Variants in ASB3 observed in about 807,000 individuals in gnomAD.
ASB3 encodes the protein ankyrin repeat and SOCS box protein 3.
ASB3 carries 41 observed loss-of-function variants against 54.5 expected under a neutral mutation model. The observed-to-expected ratio is 0.75, with a 90% CI of 0.59 to 0.98. The LOEUF (loss-of-function observed/expected upper bound fraction) is 0.98, where lower values mean the gene tolerates loss of function less well. Ranked by LOEUF, ASB3 falls within the 50% of genes least tolerant of loss-of-function variation. The probability of loss-of-function intolerance (pLI) is 0.00; values close to 1 mark genes in which losing one functional copy is unlikely to be tolerated. For missense variants in ASB3, 733 were observed against 620.0 expected, an observed-to-expected ratio of 1.18 and a Z score of -1.94; for synonymous variants, 266 against 221.2, an observed-to-expected ratio of 1.20 and a Z score of -1.80.
At position 53,700,633 on chromosome 2, in the gene ASB3, A is replaced by G. The variant is rs1572866934; in HGVS notation, c.981-105T>C. The G allele has an allele frequency of 3.5e-6, 5 of 1,421,342 alleles. No homozygotes were observed. In the East Asian group the frequency reaches 1.2e-4, roughly 35 times the overall value. The allele number at this position is 1,421,342 out of a possible 1,614,324, so 88.0% of individuals were successfully genotyped here. A position where few individuals can be genotyped will look rare whatever the true frequency, so the allele number is the denominator to read the frequency against. On this transcript the variant is annotated intron_variant, in intron 7 of 9. Transcript: ENST00000263634. ...GTTACAGCTGGGGAATAAGTATGGCAGATTAAATAGTGGATGGTTTCTACA... is the reference window on the plus strand; with the variant it reads ...GTTACAGCTGGGGAATAAGTATGGCGGATTAAATAGTGGATGGTTTCTACA...
chr2:53,706,339 T>C (rs1669769429), intron 7 of ASB3, among the ~76,000 whole-genome samples: 1 of 152,250 alleles, frequency 6.6e-6, no homozygotes, highest in African/African-American at 2.4e-5. Context: ...TAATAGGAGT[T>C]AGATCAAGGG....
intron 1 of ASB3, among the ~76,000 whole-genome samples, chr2:53,785,238 C>T (rs1293263331): frequency 2.6e-5 from 4 of 152,192 alleles, no homozygotes; most frequent in Admixed American, 6.5e-5. Flanking sequence ...CTTTGCAGCA[C>T]TTACCAATAC....
intron 5 of ASB3, among the ~76,000 whole-genome samples, chr2:53,723,305 T>C (rs1214585535): frequency 6.6e-6 from 1 of 152,190 alleles, no homozygotes; most frequent in African/African-American, 2.4e-5. Context: ...CCTTTTTTTA[T>C]TTTTTCCCCT....
chr2:53,769,919 T>C (rs1673777512), intron 1 of ASB3, among the ~76,000 whole-genome samples: 1 of 152,182 alleles, frequency 6.6e-6, no homozygotes, highest in Non-Finnish European at 1.5e-5. Flanking sequence ...ATACCATACA[T>C]CTTAGCCCAT....
chr2:53,694,235 A>T (rs75214812), intron 8 of ASB3: 17,549 of 431,414 alleles, frequency 0.041, 459 homozygotes, highest in Non-Finnish European at 0.053. Flanking sequence ...GTAGCTGTCT[A>T]AGAGATGACA....
rs535523497 is a variant in ASB3 at position 53,757,523 on chromosome 2, A to G, written c.197-6582T>C. 2.2e-4 allele frequency among the ~76,000 whole-genome samples: 34 copies of G among 152,334 alleles called. No individual in the cohort carries two copies. In the South Asian group the frequency reaches 6.8e-3, roughly 31 times the overall value. On this transcript the variant is annotated intron_variant, in intron 2 of 9. Coordinates refer to ENST00000263634, the MANE Select transcript of ASB3 (RefSeq NM_016115.5). The stretch of plus-strand genomic sequence containing the variant: ...GGGTCCCGACCATGACTTTCTTGAA[A>G]GTGTAGCCCAAAATTCTCCTTACTT...
chr2:53,704,034 A>T (rs545791497), intron 7 of ASB3, among the ~76,000 whole-genome samples: 1 of 152,316 alleles, frequency 6.6e-6, no homozygotes, highest in South Asian at 2.1e-4. Context: ...ATAACTGGTA[A>T]AAGTGATATA....
At chr2:53,680,485 A>T (rs1668311646) in intron 9 of ASB3, among the ~76,000 whole-genome samples, 1 of 152,130 alleles carries the variant, frequency 6.6e-6, no homozygotes, top group Non-Finnish European at 1.5e-5. Context: ...GGATTTCTCT[A>T]ATGATCAGTG....
intron 9 of ASB3, among the ~76,000 whole-genome samples, chr2:53,681,899 C>A (rs977269217): frequency 1.3e-5 from 2 of 152,064 alleles, no homozygotes; most frequent in South Asian, 4.2e-4. Context: ...GTGGCTCATG[C>A]CTGTAATCCC....
chr2:53,749,376 C>G (rs1672398941), intron 3 of ASB3, among the ~76,000 whole-genome samples: 1 of 152,028 alleles, frequency 6.6e-6, no homozygotes, highest in African/African-American at 2.4e-5. Flanking sequence ...GAAATGCAAA[C>G]CAGTAGAAAA....
intron 3 of ASB3, among the ~76,000 whole-genome samples, chr2:53,746,160 G>C (rs920333059): frequency 1.3e-5 from 2 of 152,022 alleles, no homozygotes; most frequent in African/African-American, 2.4e-5. Flanking sequence ...GCTGGGTGTG[G>C]TGGCGGTGCT....
At chr2:53,683,307 G>A (rs528923507) in intron 9 of ASB3, among the ~76,000 whole-genome samples, 2 of 152,244 alleles carry the variant, frequency 1.3e-5, no homozygotes, top group African/African-American at 4.8e-5. Context: ...GCATCCCTGG[G>A]ATAGATTCCA....
chr2:53,720,820 C>A (rs77601694), intron 5 of ASB3, among the ~76,000 whole-genome samples: 2,524 of 152,212 alleles, frequency 0.017, 53 homozygotes, highest in Non-Finnish European at 0.022. Flanking sequence ...CCAAGACAGA[C>A]CACATGCTCG....
chr2:53,734,838 T>C (rs547909917), intron 3 of ASB3, among the ~76,000 whole-genome samples: 1 of 152,220 alleles, frequency 6.6e-6, no homozygotes, highest in South Asian at 2.1e-4. Context: ...TGTTCTATCC[T>C]ACTATTTCAG....
intron 2 of ASB3, among the ~76,000 whole-genome samples, chr2:53,751,320 A>G (rs1572966182): frequency 6.6e-6 from 1 of 152,304 alleles, no homozygotes; most frequent in East Asian, 1.9e-4. Flanking sequence ...TTTTATTTTT[A>G]AATTTCTATA....
At chr2:53,729,249 T>C (rs1671170059) in intron 4 of ASB3, among the ~76,000 whole-genome samples, 1 of 152,174 alleles carries the variant, frequency 6.6e-6, no homozygotes, top group African/African-American at 2.4e-5. Flanking sequence ...TTTTAAAATG[T>C]AGATAATCCC....
chr2:53,767,957 A>T, intron 1 of ASB3: 1 of 1,614,174 alleles, frequency 6.2e-7, no homozygotes, highest in African/African-American at 1.3e-5. Context: ...CTGGTCGGAT[A>T]CATCACCAAC....
At chr2:53,769,786 G>A (rs925958979) in intron 1 of ASB3, among the ~76,000 whole-genome samples, 2 of 152,174 alleles carry the variant, frequency 1.3e-5, no homozygotes, top group African/African-American at 2.4e-5. Context: ...ACGTTGCGGT[G>A]AGCTGAGATT....
chr2:53,709,421 G>A (rs1669967774), intron 7 of ASB3, among the ~76,000 whole-genome samples: 1 of 152,186 alleles, frequency 6.6e-6, no homozygotes, highest in Admixed American at 6.5e-5. Context: ...CCAGCATAAA[G>A]GGCCTTCTTT....
Sources: allele counts gnomAD v4.1 joint callset (sites outside exome capture counted in the v4.1 genomes callset), GRCh38; gene constraint gnomAD v4.1.1; transcripts MANE v1.5; gene names NCBI Gene and HGNC (gene_info 2026-07-23, HGNC 2026-07-21).